The following NALF1 variants were observed in gnomAD, a reference collection of about 807,000 sequenced individuals.
NALF1 encodes the protein NALCN channel auxiliary factor 1, also known as family with sequence similarity 155 member A.
Under a neutral mutation model 48.4 loss-of-function variants are expected in NALF1, and 3 were observed. The observed-to-expected ratio is 0.06, with a 90% CI of 0.03 to 0.16. The LOEUF is 0.16. Ranked by LOEUF, NALF1 falls within the 10% of genes least tolerant of loss-of-function variation. The pLI, the probability that NALF1 is intolerant of heterozygous loss-of-function variation, is 1.00. For synonymous variants in NALF1, 262 were observed against 245.7 expected (o/e 1.07, Z -0.62); for missense variants, 526 against 571.5 (o/e 0.92, Z 0.81).
chr13:107,233,761 A>C (rs965553771), intron 1 of NALF1, among the ~76,000 whole-genome samples: 1 of 152,220 alleles, frequency 6.6e-6, no homozygotes, highest in African/African-American at 2.4e-5. Flanking sequence ...TCAGTGCCTG[A>C]ACAACTACAT....
chr13:107,373,172 G>C (rs1393871112), intron 1 of NALF1, among the ~76,000 whole-genome samples: 2 of 152,086 alleles, frequency 1.3e-5, no homozygotes, highest in Non-Finnish European at 2.9e-5. Context: ...TAAATGTTGG[G>C]TCCCTGTTCT....
intron 1 of NALF1, among the ~76,000 whole-genome samples, chr13:107,293,628 T>G (rs772481189): frequency 1.3e-5 from 2 of 152,236 alleles, no homozygotes; most frequent in East Asian, 1.9e-4. Flanking sequence ...TCACTTGAAC[T>G]GGCCATTTCA....
chr13:107,359,937 A>C (rs1411399907), intron 1 of NALF1, among the ~76,000 whole-genome samples: 1 of 152,172 alleles, frequency 6.6e-6, no homozygotes, highest in Non-Finnish European at 1.5e-5. Flanking sequence ...ACTTGCATTT[A>C]TATAACCTGT....
intron 2 of NALF1, among the ~76,000 whole-genome samples, chr13:107,190,876 G>A (rs2138784030): frequency 6.6e-6 from 1 of 152,316 alleles, no homozygotes; most frequent in East Asian, 1.9e-4. Context: ...TCTGAGAGCA[G>A]AAAGGTAGAG....
At chr13:107,208,438 G>A (rs1335667300) in intron 2 of NALF1, among the ~76,000 whole-genome samples, 1 of 152,140 alleles carries the variant, frequency 6.6e-6, no homozygotes, top group East Asian at 1.9e-4. Context: ...TTCTACCCTG[G>A]CATTCTGAAT....
chr13:107,393,074 G>A lies in NALF1; in HGVS notation c.916-182319C>T, dbSNP rs377008026. Among the ~76,000 whole-genome samples, 310 of 152,164 alleles carry A rather than the reference G, an allele frequency of 2.0e-3. 13 individuals are homozygous for A. The South Asian group carries it at 0.063, about 31-fold the overall frequency. On this transcript the variant is annotated intron_variant, in intron 1 of 2. Transcript: ENST00000375915. ...TGTGTAGCACAGCATCAAGTCCAGA[G>A]GAGGAAAGGAAGCAAGAAATGGAGG...
intron 1 of NALF1, among the ~76,000 whole-genome samples, chr13:107,661,690 A>T (rs1440756127): frequency 1.3e-5 from 2 of 151,796 alleles, no homozygotes; most frequent in African/African-American, 2.4e-5. Flanking sequence ...TTGAGATAAC[A>T]TCCTGTCATC....
At chr13:107,862,538 T>C (rs1441768054) in intron 1 of NALF1, among the ~76,000 whole-genome samples, 1 of 152,074 alleles carries the variant, frequency 6.6e-6, no homozygotes, top group Non-Finnish European at 1.5e-5. Flanking sequence ...ATTAATGATA[T>C]AGTCAACATC....
At chr13:107,617,923 T>C (rs1205578679) in intron 1 of NALF1, among the ~76,000 whole-genome samples, 1 of 152,210 alleles carries the variant, frequency 6.6e-6, no homozygotes, top group Non-Finnish European at 1.5e-5. Flanking sequence ...TTCTTGGAAT[T>C]GCTTTATAAC....
chr13:107,676,874 A>T (rs1321629319), intron 1 of NALF1, among the ~76,000 whole-genome samples: 1 of 152,204 alleles, frequency 6.6e-6, no homozygotes, highest in African/African-American at 2.4e-5. Flanking sequence ...AGTCAAAGAA[A>T]CGAAGGAGAA....
intron 1 of NALF1, among the ~76,000 whole-genome samples, chr13:107,547,518 ATTAGT>A (rs1403544933): frequency 1.3e-5 from 2 of 152,290 alleles, no homozygotes; most frequent in East Asian, 3.9e-4. Flanking sequence ...CTTTTCATGG[ATTAGT>A]TTAATTAATC....
chr13:107,712,968 G>C (rs1875648532), intron 1 of NALF1, among the ~76,000 whole-genome samples: 1 of 152,190 alleles, frequency 6.6e-6, no homozygotes, highest in East Asian at 1.9e-4. Context: ...GGTGGACTGT[G>C]TCCAGCATGT....
At chr13:107,286,630 C>T (rs148535133) in intron 1 of NALF1, among the ~76,000 whole-genome samples, 22 of 148,696 alleles carry the variant, frequency 1.5e-4, no homozygotes, top group African/African-American at 5.4e-4. Context: ...AACAACAAAG[C>T]TGGAAATAGC....
chr13:107,747,969 A>T (rs945036683), intron 1 of NALF1, among the ~76,000 whole-genome samples: 1 of 152,220 alleles, frequency 6.6e-6, no homozygotes, highest in Non-Finnish European at 1.5e-5. Flanking sequence ...CATTCTGATT[A>T]CTAATAAGGA....
intron 1 of NALF1, among the ~76,000 whole-genome samples, chr13:107,237,599 A>G (rs1880379066): frequency 6.6e-6 from 1 of 152,198 alleles, no homozygotes; most frequent in African/African-American, 2.4e-5. Flanking sequence ...TGTAAATGCT[A>G]TGTCATTAGA....
intron 2 of NALF1, among the ~76,000 whole-genome samples, chr13:107,193,798 GAAGTT>G (rs1429580827): frequency 2.6e-5 from 4 of 152,264 alleles, no homozygotes; most frequent in African/African-American, 9.6e-5. Context: ...TCTAAACAGA[GAAGTT>G]AAGACCTGTA....
At chr13:107,297,044 T>A (rs963323052) in intron 1 of NALF1, among the ~76,000 whole-genome samples, 4 of 152,000 alleles carry the variant, frequency 2.6e-5, no homozygotes, top group African/African-American at 4.8e-5. Context: ...TTATTTATTT[T>A]TTCATATTCT....
At chr13:107,635,548 C>T in intron 1 of NALF1, among the ~76,000 whole-genome samples, 1 of 152,104 alleles carries the variant, frequency 6.6e-6, no homozygotes, top group East Asian at 1.9e-4. Flanking sequence ...CCCTTTAAGG[C>T]TAGCATAAGT....
intron 1 of NALF1, among the ~76,000 whole-genome samples, chr13:107,480,886 A>C (rs1009658417): frequency 1.3e-5 from 2 of 152,216 alleles, no homozygotes; most frequent in Admixed American, 6.6e-5. Flanking sequence ...TAAACAAAAC[A>C]TACTGATGAA....
Sources: gnomAD v4.1 joint callset for allele counts (sites outside exome capture counted in the v4.1 genomes callset) on GRCh38, gnomAD v4.1.1 for gene constraint, MANE v1.5 for transcripts, NCBI Gene and HGNC (gene_info 2026-07-23, HGNC 2026-07-21) for gene names.